Variants in HPS4 observed in about 807,000 individuals in gnomAD.
HPS4 encodes the protein BLOC-3 complex member HPS4.
A neutral mutation model predicts 70.3 loss-of-function variants in HPS4; 44 were observed. That is an observed-to-expected ratio of 0.63 (90% confidence interval 0.49 to 0.80). The LOEUF (loss-of-function observed/expected upper bound fraction) is 0.80, where lower values mean the gene tolerates loss of function less well. Ranked by LOEUF, HPS4 falls within the 30% of genes least tolerant of loss-of-function variation. The pLI, the probability that HPS4 is intolerant of heterozygous loss-of-function variation, is 0.00. For synonymous variants in HPS4, 377 were observed against 355.9 expected (o/e 1.06, Z -0.67); for missense variants, 873 against 884.4 (o/e 0.99, Z 0.16).
chr22:26,464,892 A>G, intron 10 of HPS4, 66 bp from the exon 11 acceptor site: 1 of 1,445,352 alleles, frequency 6.9e-7, no homozygotes, highest in South Asian at 1.4e-5. Flanking sequence ...GCCCTTCCAC[A>G]GTGAAGACTA....
intron 11 of HPS4, among the ~76,000 whole-genome samples, chr22:26,460,262 G>A (rs1164401763): frequency 1.3e-5 from 2 of 152,222 alleles, no homozygotes; most frequent in Non-Finnish European, 2.9e-5. Context: ...AGGTTGCAGA[G>A]CTATGTAAAA....
chr22:26,478,944 A>G (rs190576833), intron 3 of HPS4, among the ~76,000 whole-genome samples: 3 of 152,306 alleles, frequency 2.0e-5, no homozygotes, highest in African/African-American at 4.8e-5. Context: ...TCAGCCTGCC[A>G]AAGAGCTGGG....
At chr22:26,446,687 G>A (rs1787191839), downstream of HPS4, among the ~76,000 whole-genome samples, 1 of 152,200 alleles carries the variant, frequency 6.6e-6, no homozygotes, top group Middle Eastern at 3.4e-3. Flanking sequence ...TGTAACACCG[G>A]GCAGGCCACC....
chr22:26,458,963 G>A (rs2086729403), intron 11 of HPS4, among the ~76,000 whole-genome samples: 1 of 152,024 alleles, frequency 6.6e-6, no homozygotes, highest in Non-Finnish European at 1.5e-5. Flanking sequence ...ATTTAGAAAA[G>A]AGATGAGCAA....
intron 13 of HPS4, among the ~76,000 whole-genome samples, chr22:26,454,271 G>T (rs545780339): frequency 1.3e-5 from 2 of 152,188 alleles, no homozygotes; most frequent in African/African-American, 4.8e-5. Flanking sequence ...AGCCCTGTGG[G>T]AGGGCTCCGA....
chr22:26,457,757 T>A, intron 13 of HPS4, 102 bp downstream of exon 13: 1 of 830,464 alleles, frequency 1.2e-6, no homozygotes, highest in Non-Finnish European at 2.1e-6. Context: ...AACTAGAATG[T>A]TTTTCATCTA....
chr22:26,472,980 CT>C lies in HPS4; in HGVS notation c.277-42del, dbSNP rs549662032. The C allele has an allele frequency of 7.8e-3, 12,224 of 1,570,410 alleles. 68 individuals carry two copies. Among genetic ancestry groups the C allele is most frequent in the Non-Finnish European group, 9.8e-3 (11,156 of 1,140,454 alleles). On this transcript the variant is annotated intron_variant, in intron 4 of 13. Transcript: ENST00000398145. ...CCAGGAAGACAAGCATCTTCCTTCT[CT>C]TTGAGTCCAAGCCCAGAATCCTGGC... is the stretch of plus-strand genomic sequence containing the variant.
At chr22:26,457,481 G>A (rs973350885) in intron 13 of HPS4, among the ~76,000 whole-genome samples, 1 of 152,152 alleles carries the variant, frequency 6.6e-6, no homozygotes, top group Non-Finnish European at 1.5e-5. Context: ...AAAGTGCTGA[G>A]ATTACAGGTG....
chr22:26,447,953 G>A (rs952990297), downstream of HPS4, among the ~76,000 whole-genome samples: 56 of 152,302 alleles, frequency 3.7e-4, no homozygotes, highest in African/African-American at 1.3e-3. Flanking sequence ...CACCCTACGA[G>A]GTTCCTTCCC....
chr22:26,445,211 G>A (rs763258), intron 3 of HPS4, among the ~76,000 whole-genome samples: 124,590 of 152,134 alleles, frequency 0.82, 51,735 homozygotes, highest in Non-Finnish European at 0.89. Flanking sequence ...GTGCACACCT[G>A]TAGTCCCAGC....
At chr22:26,479,687 G>A (rs550548698) in intron 2 of HPS4, 4 of 1,146,254 alleles carry the variant, frequency 3.5e-6, no homozygotes, top group Admixed American at 4.5e-5. Context: ...GGTCTGATAC[G>A]CTGTCTTTTA....
At chr22:26,447,259 G>A (rs141514473), downstream of HPS4, among the ~76,000 whole-genome samples, 5 of 152,180 alleles carry the variant, frequency 3.3e-5, no homozygotes, top group African/African-American at 1.2e-4. Context: ...GTGGGGTGGT[G>A]GGGGGAGGTG....
At position 26,457,208 on chromosome 22, in the gene HPS4, TA is replaced by T. The variant is rs1256653482; in HGVS notation, c.1955+650del. Among the ~76,000 whole-genome samples, 34 of 81,076 alleles carry T rather than the reference TA, an allele frequency of 4.2e-4. No homozygotes were observed. The East Asian group carries it at 0.01, about 25-fold the overall frequency. 53.2% of individuals were successfully genotyped at this position (81,076 alleles called of 152,430 possible). A position where few individuals can be genotyped will look rare whatever the true frequency, so the allele number is the denominator to read the frequency against. The stretch of plus-strand genomic sequence containing the variant: ...GCATGACTGTATGATCAGCACGTAT[TA>T]CTTTTTTTTTTTTTTTTTTTTTTCT... On this transcript the variant is annotated intron_variant, in intron 13 of 13. Transcript: ENST00000398145.
At position 26,456,573 on chromosome 22, in the gene HPS4, TG is replaced by T. The variant is rs1391862188; in HGVS notation, c.1955+1285del. ...ACTCAGGAGGCTGAGGCAGAAGAAT[TG>T]CTTGAAACCAGGAGACAGAGGTTGC... On this transcript the variant is annotated intron_variant, in intron 13 of 13. Transcript: ENST00000398145. 4.6e-5 allele frequency among the ~76,000 whole-genome samples: 7 copies of T among 152,270 alleles called. No individual in the cohort carries two copies. In the East Asian group the frequency reaches 1.3e-3, roughly 29 times the overall value.
intron 11 of HPS4, 53 bp downstream of exon 11, chr22:26,463,864 C>T: frequency 1.3e-6 from 2 of 1,577,640 alleles, no homozygotes; most frequent in Non-Finnish European, 1.7e-6. Flanking sequence ...GAGGGAAGCA[C>T]AGGAGATCGG....
intron 13 of HPS4, chr22:26,453,887 A>G (rs1360218434): frequency 4.4e-6 from 1 of 229,840 alleles, no homozygotes; most frequent in African/African-American, 2.3e-5. Flanking sequence ...AAAGGAGTCT[A>G]GTCTGCTCTC....
At position 26,476,594 on chromosome 22, in the gene HPS4, T is replaced by C. The variant is rs915413714; in HGVS notation, c.276+399A>G. 3 of 181,976 alleles carry C rather than the reference T, an allele frequency of 1.6e-5. No homozygotes were observed. In the South Asian group the frequency reaches 2.8e-4, roughly 17 times the overall value. 11.3% of individuals were successfully genotyped at this position (181,976 alleles called of 1,614,324 possible). ...AACTCCTGGACTCAAGCAATATTCTTTTTTTTTTTTTAATGGGTTCTCTAA... is the reference window on the plus strand; with the variant it reads ...AACTCCTGGACTCAAGCAATATTCTCTTTTTTTTTTTAATGGGTTCTCTAA... On this transcript the variant is annotated intron_variant, in intron 4 of 13. Coordinates refer to ENST00000398145, the MANE Select transcript of HPS4 (RefSeq NM_022081.6).
chr22:26,445,235 G>A (rs2084913846), intron 3 of HPS4, among the ~76,000 whole-genome samples: 1 of 152,178 alleles, frequency 6.6e-6, no homozygotes, highest in Admixed American at 6.5e-5. Flanking sequence ...TTGAGAGGCT[G>A]AGGTGGGAGG....
Position 26,468,499 on chromosome 22 carries a change from G to A in HPS4, c.669+52C>T, listed in dbSNP as rs367560244. The A allele has an allele frequency of 1.7e-5, 25 of 1,499,316 alleles. No homozygotes were observed. The African/African-American group carries it at 2.7e-4, about 16-fold the overall frequency. The allele number at this position is 1,499,316 out of a possible 1,614,324, so 92.9% of individuals were successfully genotyped here. A position where few individuals can be genotyped will look rare whatever the true frequency, so the allele number is the denominator to read the frequency against. On this transcript the variant is annotated intron_variant, in intron 8 of 13. Transcript: ENST00000398145. ...TGATCCCTCCAGCCTCAGGCTCAGTGACCAGTGCTCTGGGGGATGCTGTCC... is the reference window on the plus strand; with the variant it reads ...TGATCCCTCCAGCCTCAGGCTCAGTAACCAGTGCTCTGGGGGATGCTGTCC...
Sources: allele counts gnomAD v4.1 joint callset (sites outside exome capture counted in the v4.1 genomes callset), GRCh38; gene constraint gnomAD v4.1.1; transcripts MANE v1.5; gene names NCBI Gene and HGNC (gene_info 2026-07-23, HGNC 2026-07-21).